SEC14L1: variants seen among roughly 807,000 people sequenced by gnomAD.
SEC14L1 encodes the protein SEC14 like lipid binding 1, also known as SEC14-like protein 1.
Under a neutral mutation model 85.3 loss-of-function variants are expected in SEC14L1, and 48 were observed. The ratio of observed to expected loss-of-function variants is 0.56; its 90% CI spans 0.45 to 0.72. SEC14L1 has a LOEUF of 0.72. Ranked by LOEUF, SEC14L1 falls within the 30% of genes least tolerant of loss-of-function variation. The probability of loss-of-function intolerance (pLI) is 0.00; values close to 1 mark genes in which losing one functional copy is unlikely to be tolerated. For synonymous variants in SEC14L1, 391 were observed against 355.5 expected (o/e 1.10, Z -1.12); for missense variants, 682 against 921.4 (o/e 0.74, Z 3.36).
intron 1 of SEC14L1, among the ~76,000 whole-genome samples, chr17:77,142,253 C>A (rs767316628): frequency 3.3e-4 from 50 of 152,048 alleles, no homozygotes; most frequent in Non-Finnish European, 6.5e-4. Context: ...GAGAAAGTTC[C>A]AAACCTGTTT....
intron 3 of SEC14L1, among the ~76,000 whole-genome samples, chr17:77,097,425 G>A (rs538582124): frequency 2.6e-5 from 4 of 152,182 alleles, no homozygotes; most frequent in South Asian, 2.1e-4. Context: ...TTAGCCGGGC[G>A]TAGTGGCGCA....
intron 3 of SEC14L1, among the ~76,000 whole-genome samples, chr17:77,163,938 C>T (rs2143648195): frequency 6.6e-6 from 1 of 152,328 alleles, no homozygotes; most frequent in East Asian, 1.9e-4. Flanking sequence ...GGAGAGGAGC[C>T]TGGGCTCCTG....
At chr17:77,196,809 C>T (rs1445407763) in intron 8 of SEC14L1, among the ~76,000 whole-genome samples, 2 of 152,174 alleles carry the variant, frequency 1.3e-5, no homozygotes, top group Non-Finnish European at 2.9e-5. Context: ...GGCCTGATCT[C>T]TAATTCTGTC....
At chr17:77,193,591 GTC>G in intron 6 of SEC14L1, 42 bp downstream of exon 6, 2 of 1,578,056 alleles carry the variant, frequency 1.3e-6, no homozygotes, top group Non-Finnish European at 1.7e-6. Context: ...GTGGGCAGGA[GTC>G]TCTGAGATGA....
chr17:77,169,618 C>G (rs1974441720), intron 3 of SEC14L1, among the ~76,000 whole-genome samples: 1 of 152,210 alleles, frequency 6.6e-6, no homozygotes, highest in South Asian at 2.1e-4. Context: ...TTAACCTTTA[C>G]AGTGCCTACT....
chr17:77,143,568 T>A lies in SEC14L1; in HGVS notation c.-29T>A. ...ATCACATATATTTATGTTTTGCAGGTGTGAGAGGGTTGCTGTTGTATTGCA... is the reference window on the plus strand; with the variant it reads ...ATCACATATATTTATGTTTTGCAGGAGTGAGAGGGTTGCTGTTGTATTGCA... On this transcript the variant is annotated splice_region_variant and 5_prime_UTR_variant, in exon 3 of 17. Transcript: ENST00000436233. 3 of 1,594,150 alleles carry A rather than the reference T, an allele frequency of 1.9e-6. No homozygotes were observed. The highest frequency in any genetic ancestry group is 2.6e-6 in the Non-Finnish European group (3 of 1,162,644).
intron 3 of SEC14L1, among the ~76,000 whole-genome samples, chr17:77,157,247 G>A (rs575297062): frequency 2.6e-5 from 4 of 152,252 alleles, no homozygotes; most frequent in African/African-American, 4.8e-5. Flanking sequence ...TATGTTGCAG[G>A]ATTTATGGCA....
intron 3 of SEC14L1, among the ~76,000 whole-genome samples, chr17:77,111,703 G>A (rs952140311): frequency 1.4e-4 from 22 of 152,294 alleles, no homozygotes; most frequent in African/African-American, 3.4e-4. Flanking sequence ...AATTTCTTCC[G>A]TGTAGAGTGG....
At chr17:77,163,643 TC>T (rs1974162902) in intron 3 of SEC14L1, among the ~76,000 whole-genome samples, 1 of 152,206 alleles carries the variant, frequency 6.6e-6, no homozygotes, top group Admixed American at 6.5e-5. Context: ...GTCACCATGT[TC>T]TTCGTGTCAT....
chr17:77,127,863 G>A (rs555909262), intron 3 of SEC14L1: 1 of 152,162 alleles, frequency 6.6e-6, no homozygotes, highest in Non-Finnish European at 1.5e-5. Context: ...AAAGGAGAGA[G>A]ATTTGAGACA....
At chr17:77,154,858 C>T (rs979612338) in intron 3 of SEC14L1, among the ~76,000 whole-genome samples, 4 of 152,138 alleles carry the variant, frequency 2.6e-5, no homozygotes, top group African/African-American at 9.7e-5. Context: ...TAGATGGCTG[C>T]GTCCTTACTT....
chr17:77,198,285 T>C (rs1230068626), intron 8 of SEC14L1, among the ~76,000 whole-genome samples: 1 of 152,222 alleles, frequency 6.6e-6, no homozygotes, highest in African/African-American at 2.4e-5. Context: ...AGGGATTTCC[T>C]CAGTATTTAA....
chr17:77,114,904 T>C (rs550095856), intron 3 of SEC14L1, among the ~76,000 whole-genome samples: 39 of 151,228 alleles, frequency 2.6e-4, no homozygotes, highest in Non-Finnish European at 4.1e-4. Context: ...CCCAGTAGCA[T>C]TTTCTGGAGG....
At chr17:77,169,617 A>T (rs1480701599) in intron 3 of SEC14L1, among the ~76,000 whole-genome samples, 2 of 152,196 alleles carry the variant, frequency 1.3e-5, no homozygotes, top group African/African-American at 4.8e-5. Context: ...TTTAACCTTT[A>T]CAGTGCCTAC....
rs561469024 is a variant in SEC14L1 at position 77,171,301 on chromosome 17, T to C, written c.64-19502T>C. On this transcript the variant is annotated intron_variant, in intron 3 of 16. Coordinates refer to ENST00000436233, the MANE Select transcript of SEC14L1 (RefSeq NM_001143998.2). ...AACATTTCCCTCTCATCTGGTAATA[T>C]TCGTTTTTCTTCTGAGCTTTCTTTG... Among the ~76,000 whole-genome samples the C allele has an allele frequency of 7.2e-5, 11 of 152,296 alleles. 1 individual carries two copies. Among genetic ancestry groups the C allele is most frequent in the African/African-American group, 2.6e-4 (11 of 41,552 alleles).
At chr17:77,121,999 T>TCAG (rs1303021769) in intron 3 of SEC14L1, among the ~76,000 whole-genome samples, 1 of 152,282 alleles carries the variant, frequency 6.6e-6, no homozygotes. Flanking sequence ...CATGCATTAG[T>TCAG]CAGCAGCAGC....
At chr17:77,111,398 T>TTTG (rs1306461486) in intron 3 of SEC14L1, among the ~76,000 whole-genome samples, 1 of 147,970 alleles carries the variant, frequency 6.8e-6, no homozygotes, top group African/African-American at 2.5e-5. Flanking sequence ...TTTGAAGTGT[T>TTTG]TTTTTTTTTT....
At chr17:77,181,971 C>T (rs1454319038) in intron 3 of SEC14L1, among the ~76,000 whole-genome samples, 1 of 151,562 alleles carries the variant, frequency 6.6e-6, no homozygotes, top group African/African-American at 2.4e-5. Flanking sequence ...ATACTTGTTT[C>T]TTTGAGCACT....
intron 13 of SEC14L1, among the ~76,000 whole-genome samples, chr17:77,207,375 C>A (rs768915691): frequency 1.3e-5 from 2 of 151,884 alleles, no homozygotes; most frequent in African/African-American, 2.4e-5. Flanking sequence ...GGACTGTAGG[C>A]GTGCACCACC....
Sources: allele counts gnomAD v4.1 joint callset (sites outside exome capture counted in the v4.1 genomes callset), GRCh38; gene constraint gnomAD v4.1.1; transcripts MANE v1.5; gene names NCBI Gene and HGNC (gene_info 2026-07-23, HGNC 2026-07-21).